GMPR: variants seen among roughly 807,000 people sequenced by gnomAD.
GMPR encodes GMP reductase 1.
A neutral mutation model predicts 38.4 loss-of-function variants in GMPR; 31 were observed. That is an observed-to-expected ratio of 0.81 (90% CI 0.61 to 1.09). GMPR has a LOEUF of 1.09. GMPR is among the 50% of genes least tolerant of loss of function. The pLI, the probability that GMPR is intolerant of heterozygous loss-of-function variation, is 0.00. For missense variants in GMPR, 468 were observed against 453.7 expected (o/e 1.03, Z -0.29); for synonymous variants, 162 against 173.3 (o/e 0.93, Z 0.51).
At chr6:16,252,564 T>C (rs1310909268) in intron 3 of GMPR, among the ~76,000 whole-genome samples, 1 of 152,228 alleles carries the variant, frequency 6.6e-6, no homozygotes, top group Non-Finnish European at 1.5e-5. Flanking sequence ...AAGGGAGTTT[T>C]TGGCAATGTA....
At chr6:16,290,340 T>A (rs988197007) in intron 7 of GMPR, 122 bp from the exon 8 acceptor site, 6 of 856,702 alleles carry the variant, frequency 7.0e-6, no homozygotes, top group Admixed American at 4.0e-5. Context: ...GTCCAGCCTT[T>A]CTCTTGACTA....
intron 4 of GMPR, chr6:16,262,690 G>C (rs1167686873): frequency 1.3e-5 from 2 of 152,016 alleles, no homozygotes; most frequent in Admixed American, 6.6e-5. Flanking sequence ...AGCAGATTGG[G>C]TAATAAAGTG....
chr6:16,276,434 G>A (rs933955735), intron 5 of GMPR, among the ~76,000 whole-genome samples: 1 of 152,278 alleles, frequency 6.6e-6, no homozygotes, highest in Non-Finnish European at 1.5e-5. Context: ...GCCTCCCAAC[G>A]TGCTGGGATT....
At chr6:16,255,812 G>T (rs10484358) in intron 4 of GMPR, among the ~76,000 whole-genome samples, 11,362 of 152,094 alleles carry the variant, frequency 0.075, 435 homozygotes, top group Middle Eastern at 0.088. Context: ...TGTTATCATT[G>T]TAAGAAAGTT....
chr6:16,287,770 G>A (rs1161111202), intron 7 of GMPR, among the ~76,000 whole-genome samples: 1 of 152,180 alleles, frequency 6.6e-6, no homozygotes, highest in Admixed American at 6.5e-5. Flanking sequence ...TGAAAGGGGA[G>A]GGTCTTAAGA....
chr6:16,247,274 C>T (rs959260151), intron 2 of GMPR, among the ~76,000 whole-genome samples: 1 of 152,132 alleles, frequency 6.6e-6, no homozygotes, highest in Non-Finnish European at 1.5e-5. Flanking sequence ...AAAATTAAGA[C>T]AGAGCTGCTT....
At chr6:16,290,356 G>A in intron 7 of GMPR, 106 bp from the exon 8 acceptor site, 1 of 953,606 alleles carries the variant, frequency 1.0e-6, no homozygotes, top group South Asian at 1.5e-5. Context: ...GACTATAGCT[G>A]GGCGGGGAGG....
At chr6:16,265,694 CTGTAAAAA>C (rs1277603777) in intron 4 of GMPR, among the ~76,000 whole-genome samples, 6 of 152,222 alleles carry the variant, frequency 3.9e-5, no homozygotes, top group Non-Finnish European at 5.9e-5. Context: ...AATCAGCACT[CTGTAAAAA>C]CACACCACTC....
chr6:16,246,415 C>G (rs1758756697), intron 1 of GMPR, among the ~76,000 whole-genome samples: 1 of 152,140 alleles, frequency 6.6e-6, no homozygotes, highest in Non-Finnish European at 1.5e-5. Flanking sequence ...TTGTGTGGCG[C>G]TCACTGCAGG....
chr6:16,263,534 G>A (rs1278691827), intron 4 of GMPR, among the ~76,000 whole-genome samples: 2 of 151,488 alleles, frequency 1.3e-5, no homozygotes, highest in African/African-American at 2.4e-5. Context: ...GGGTTCAGGG[G>A]TTCTTACCTT....
intron 1 of GMPR, among the ~76,000 whole-genome samples, 169 bp from the exon 2 acceptor site, chr6:16,246,673 C>T (rs1410220802): frequency 1.3e-5 from 2 of 152,172 alleles, no homozygotes; most frequent in Admixed American, 6.5e-5. Flanking sequence ...GTCTTGACGG[C>T]GGAATTTCCG....
At chr6:16,263,372 A>G (rs1484233068) in intron 4 of GMPR, 1 of 151,922 alleles carries the variant, frequency 6.6e-6, no homozygotes, top group Non-Finnish European at 1.5e-5. Flanking sequence ...AGAAAATAAG[A>G]TGCTTAGATT....
chr6:16,285,890 ACACCTCTC>A (rs1759670254), intron 7 of GMPR, 55 bp downstream of exon 7: 1 of 1,414,950 alleles, frequency 7.1e-7, no homozygotes, highest in Non-Finnish European at 9.8e-7. Flanking sequence ...GGAGCTCCCT[ACACCTCTC>A]CAGCTGGCAA....
At chr6:16,284,916 G>T (rs746047473) in intron 6 of GMPR, among the ~76,000 whole-genome samples, 6 of 151,654 alleles carry the variant, frequency 4.0e-5, no homozygotes, top group Non-Finnish European at 7.4e-5. Flanking sequence ...CTACTCAGGA[G>T]GCTGAGGCAG....
intron 3 of GMPR, among the ~76,000 whole-genome samples, chr6:16,253,490 C>A (rs1758913858): frequency 6.6e-6 from 1 of 152,046 alleles, no homozygotes; most frequent in Non-Finnish European, 1.5e-5. Context: ...GGTGGGAGGT[C>A]ACACACTTTT....
intron 4 of GMPR, among the ~76,000 whole-genome samples, chr6:16,266,211 C>G (rs370006576): frequency 1.3e-5 from 2 of 149,914 alleles, no homozygotes; most frequent in Admixed American, 1.3e-4. Flanking sequence ...ACACTCGCTG[C>G]GAAGAATGAA....
In GMPR at chr6:16,276,741, A is replaced by G. The variant is rs116965429; in HGVS notation, c.548-2043A>G. Reference sequence around the variant, plus strand: ...ATTCTTTATGGTAAAAACATTGCATATTACATATCTAAATGATAGCATTAT... The same window carrying G: ...ATTCTTTATGGTAAAAACATTGCATGTTACATATCTAAATGATAGCATTAT... On this transcript the variant is annotated intron_variant, in intron 5 of 8. Transcript: ENST00000259727. Among the ~76,000 whole-genome samples the G allele has an allele frequency of 1.0e-3, 159 of 152,320 alleles. 3 individuals carry two copies. In the East Asian group the frequency reaches 0.029, roughly 28 times the overall value.
rs539995913 is a variant in GMPR at position 16,281,962 on chromosome 6, A to G, written c.654+3072A>G. ...AGCTGAGTGTCTTGAGGTTCAGAGC[A>G]GCCATTGCCCCCACACTCCCTTTGT... is the stretch of plus-strand genomic sequence containing the variant. On this transcript the variant is annotated intron_variant, in intron 6 of 8. Transcript: ENST00000259727. 1.5e-3 allele frequency among the ~76,000 whole-genome samples: 235 copies of G among 152,296 alleles called. 3 individuals carry two copies. The highest frequency in any genetic ancestry group is 5.3e-3 in the African/African-American group (220 of 41,554).
At chr6:16,268,890 ATAAAT>A (rs1045121550) in intron 4 of GMPR, among the ~76,000 whole-genome samples, 117 of 151,272 alleles carry the variant, frequency 7.7e-4, no homozygotes, top group African/African-American at 2.8e-3. Flanking sequence ...TAAATTTAAA[ATAAAT>A]ATGAATTATT....
Sources: allele counts gnomAD v4.1 joint callset (sites outside exome capture counted in the v4.1 genomes callset), GRCh38; gene constraint gnomAD v4.1.1; transcripts MANE v1.5; gene names NCBI Gene and HGNC (gene_info 2026-07-23, HGNC 2026-07-21).